ROBO1: variants seen among roughly 807,000 people sequenced by gnomAD.
The protein encoded by ROBO1 is roundabout homolog 1.
A neutral mutation model predicts 195.9 loss-of-function variants in ROBO1; 149 were observed. That is an observed-to-expected ratio of 0.76 (90% CI 0.67 to 0.87). The LOEUF is 0.87. Among genes scored for constraint, ROBO1 ranks in the 40% least tolerant of loss-of-function variants. The pLI is 0.00. For missense variants in ROBO1, 1,933 were observed against 2,068.3 expected (o/e 0.93, Z 1.27); for synonymous variants, 816 against 733.2 (o/e 1.11, Z -1.82).
At chr3:79,374,483 A>G (rs879672119) in intron 2 of ROBO1, among the ~76,000 whole-genome samples, 19 of 152,172 alleles carry the variant, frequency 1.2e-4, no homozygotes, top group Admixed American at 2.6e-4. Flanking sequence ...ATTAATTCTT[A>G]AAAAGAAGAA....
intron 2 of ROBO1, among the ~76,000 whole-genome samples, chr3:79,241,231 C>T (rs1354139545): frequency 1.3e-5 from 2 of 152,066 alleles, no homozygotes; most frequent in East Asian, 3.9e-4. Flanking sequence ...CTCTAGATAG[C>T]TGCATAAAAG....
chr3:79,174,267 C>T (rs560750639), intron 2 of ROBO1, among the ~76,000 whole-genome samples: 6 of 152,024 alleles, frequency 3.9e-5, no homozygotes, highest in South Asian at 4.2e-4. Flanking sequence ...CTGAAGCCAG[C>T]GAGCCCACGA....
intron 2 of ROBO1, among the ~76,000 whole-genome samples, chr3:79,524,638 C>G (rs1050500780): frequency 6.6e-6 from 1 of 151,874 alleles, no homozygotes; most frequent in African/African-American, 2.4e-5. Flanking sequence ...AACTGTGAAA[C>G]AAAGAGAAGA....
chr3:78,693,273 G>T, intron 8 of ROBO1: 2 of 1,541,206 alleles, frequency 1.3e-6, no homozygotes, highest in South Asian at 1.2e-5. Context: ...GGAAGGGTAT[G>T]GATGGAAAGG....
chr3:79,028,088 A>T (rs1356394077), intron 3 of ROBO1, among the ~76,000 whole-genome samples: 1 of 152,070 alleles, frequency 6.6e-6, no homozygotes, highest in African/African-American at 2.4e-5. Flanking sequence ...TACTAAAAGT[A>T]GTATGGCTGA....
At chr3:78,916,225 G>A (rs1216895037) in intron 4 of ROBO1, among the ~76,000 whole-genome samples, 2 of 147,380 alleles carry the variant, frequency 1.4e-5, no homozygotes, top group East Asian at 2.0e-4. Flanking sequence ...ACTCCAGCCT[G>A]GGCGACAGCG....
chr3:79,658,013 G>A (rs1347771935), intron 1 of ROBO1, among the ~76,000 whole-genome samples: 1 of 151,920 alleles, frequency 6.6e-6, no homozygotes, highest in Non-Finnish European at 1.5e-5. Context: ...AAGATATATG[G>A]TAATGACAGT....
chr3:79,395,765 G>A (rs570353628), intron 2 of ROBO1, among the ~76,000 whole-genome samples: 17 of 151,928 alleles, frequency 1.1e-4, no homozygotes, highest in African/African-American at 4.1e-4. Flanking sequence ...CTTTCATAAA[G>A]ACCTCTTTAT....
In ROBO1 at chr3:78,670,210, G is replaced by A; in HGVS notation, c.1434C>T (p.Ala478=). 6.2e-7 allele frequency: 1 copy of A among 1,610,100 alleles called. No individual in the cohort carries two copies. Among genetic ancestry groups the A allele is most frequent in the Non-Finnish European group, 8.5e-7 (1 of 1,178,158 alleles). Residue 478 remains alanine, a synonymous_variant, in exon 11 of 31, where the codon GCC becomes GCT. Coordinates refer to ENST00000464233, the MANE Select transcript of ROBO1 (RefSeq NM_002941.4). ...GAATGGTGGGCACTGGACTGCCTGT[G>A]GCCACACAGCTGAGGACGAAAGTGC... The part of the protein sequence containing the change: ...VDGTFVLSCV[A]TGSPVPTILW...
chr3:78,751,267 C>T (rs191712421), intron 4 of ROBO1, among the ~76,000 whole-genome samples: 12 of 151,680 alleles, frequency 7.9e-5, no homozygotes, highest in African/African-American at 1.7e-4. Flanking sequence ...TAAGGCTCCT[C>T]GGGGGAGAGG....
At chr3:78,658,573 C>T (rs373792970) in intron 17 of ROBO1, among the ~76,000 whole-genome samples, 4 of 152,308 alleles carry the variant, frequency 2.6e-5, no homozygotes, top group South Asian at 4.1e-4. Flanking sequence ...TGAGCCACAG[C>T]GCCCAACTGA....
intron 2 of ROBO1, among the ~76,000 whole-genome samples, chr3:79,432,417 T>A (rs1241988396): frequency 6.6e-6 from 1 of 152,118 alleles, no homozygotes; most frequent in Non-Finnish European, 1.5e-5. Flanking sequence ...ACATCACTCA[T>A]AGGAATTTCA....
In ROBO1 at chr3:78,635,851, A is replaced by G; in HGVS notation, c.3295T>C (p.Trp1099Arg). ...TGTTTCTGCTGTCCCAGTGGTTTCC[A>G]GTGCTTCTCGCCAGAGTCCCCGCTG... ...NGSGDSGEKH[W>R]KPLGQQKQEV... Residue 1099 changes from tryptophan (W) to arginine (R), a missense_variant, in exon 23 of 31, where the codon TGG (tryptophan) becomes CGG (arginine). Trp to Arg is a moderately radical substitution (Grantham distance 101). Transcript: ENST00000464233. The G allele has an allele frequency of 1.2e-6, 2 of 1,613,860 alleles. No individual in the cohort carries two copies. The highest frequency in any genetic ancestry group is 1.7e-4 in the Middle Eastern group (1 of 6,060).
intron 3 of ROBO1, among the ~76,000 whole-genome samples, chr3:78,977,611 T>TA (rs2076909582): frequency 6.6e-6 from 1 of 150,490 alleles, no homozygotes; most frequent in African/African-American, 2.4e-5. Context: ...AATATATATT[T>TA]TAAAAAAAAA....
At chr3:79,461,355 G>T (rs1937628866) in intron 2 of ROBO1, among the ~76,000 whole-genome samples, 1 of 151,970 alleles carries the variant, frequency 6.6e-6, no homozygotes, top group African/African-American at 2.4e-5. Context: ...TTCCCATCTT[G>T]GCCTTTTGCA....
At chr3:79,767,606 C>T (rs1172317534) in intron 1 of ROBO1, 146 bp downstream of exon 1, 2 of 152,214 alleles carry the variant, frequency 1.3e-5, no homozygotes, top group Non-Finnish European at 2.9e-5. Context: ...CACCCTGGCG[C>T]ATCAGCCACA....
intron 4 of ROBO1, among the ~76,000 whole-genome samples, chr3:78,928,943 G>A (rs1221824133): frequency 6.6e-6 from 1 of 152,122 alleles, no homozygotes; most frequent in African/African-American, 2.4e-5. Context: ...AATATGTACA[G>A]AGTCGGGGAG....
chr3:78,690,128 A>G (rs543503942), intron 8 of ROBO1, among the ~76,000 whole-genome samples: 1 of 81,074 alleles, frequency 1.2e-5, no homozygotes, highest in African/African-American at 4.4e-5. Flanking sequence ...AAAGCTACTT[A>G]ATATGCATAT....
At chr3:79,766,990 C>T (rs1053264246) in intron 1 of ROBO1, among the ~76,000 whole-genome samples, 1 of 152,084 alleles carries the variant, frequency 6.6e-6, no homozygotes, top group African/African-American at 2.4e-5. Context: ...TCATTTCCTC[C>T]CTCAAAGTCC....
Sources: allele counts gnomAD v4.1 joint callset (sites outside exome capture counted in the v4.1 genomes callset), GRCh38; gene constraint gnomAD v4.1.1; transcripts MANE v1.5; gene names NCBI Gene and HGNC (gene_info 2026-07-23, HGNC 2026-07-21).